The following RIMKLA variants were observed in gnomAD, a reference collection of about 807,000 sequenced individuals.
RIMKLA encodes ribosomal modification protein rimK like family member A.
In RIMKLA, 14 loss-of-function variants were observed where a neutral mutation model predicts 32.7. The ratio of observed to expected loss-of-function variants is 0.43; its 90% CI spans 0.28 to 0.67. RIMKLA has a LOEUF of 0.67. Ranked by LOEUF, RIMKLA falls within the 30% of genes least tolerant of loss-of-function variation. The probability of loss-of-function intolerance (pLI) is 0.18; values close to 1 mark genes in which losing one functional copy is unlikely to be tolerated. For missense variants in RIMKLA, 410 were observed against 519.0 expected (o/e 0.79, Z 2.04); for synonymous variants, 176 against 204.1 (o/e 0.86, Z 1.18).
chr1:42,394,555 A>G (rs1303579782), intron 1 of RIMKLA, among the ~76,000 whole-genome samples: 2 of 152,216 alleles, frequency 1.3e-5, no homozygotes, highest in East Asian at 3.8e-4. Flanking sequence ...CCGAATTCAA[A>G]TCTGAACTAC....
At chr1:42,394,767 G>C (rs904468214) in intron 1 of RIMKLA, among the ~76,000 whole-genome samples, 4 of 150,214 alleles carry the variant, frequency 2.7e-5, no homozygotes, top group African/African-American at 4.9e-5. Flanking sequence ...ACGGAGTTTC[G>C]CTCTTGTTGC....
At chr1:42,403,479 T>G (rs1427828746) in intron 2 of RIMKLA, among the ~76,000 whole-genome samples, 1 of 152,208 alleles carries the variant, frequency 6.6e-6, no homozygotes, top group Non-Finnish European at 1.5e-5. Context: ...GAAAAGATTA[T>G]GTTTGATATA....
chr1:42,385,878 CTTTCT>C (rs1642940616), intron 1 of RIMKLA, among the ~76,000 whole-genome samples: 3 of 90,532 alleles, frequency 3.3e-5, no homozygotes, highest in South Asian at 3.6e-4. Context: ...TTCTTTCTTT[CTTTCT>C]TTCTTTCTTT....
chr1:42,416,679 C>A lies in RIMKLA; in HGVS notation c.*1705C>A, dbSNP rs1316158691. 6.6e-6 allele frequency: 1 copy of A among 152,220 alleles called. No homozygotes were observed. Among genetic ancestry groups the A allele is most frequent in the Non-Finnish European group, 1.5e-5 (1 of 68,048 alleles). The allele number at this position is 152,220 out of a possible 1,614,324, so 9.4% of individuals were successfully genotyped here. A position where few individuals can be genotyped will look rare whatever the true frequency, so the allele number is the denominator to read the frequency against. ...TGACTACTTCAAAGGCAACACTACC[C>A]ATTCGGGTGCAGAAATTACCGTACT... On this transcript the variant is annotated 3_prime_UTR_variant, in exon 5 of 5. Transcript: ENST00000431473.
rs147247012 is a variant in RIMKLA, at chr1:42,400,259, T to C, written c.394+625T>C. ...AGGCTGGGAAAATAAGAGGGCACTATATACAGCAGGTGAAGGAGATGAGGG... is the reference window on the plus strand; with the variant it reads ...AGGCTGGGAAAATAAGAGGGCACTACATACAGCAGGTGAAGGAGATGAGGG... On this transcript the variant is annotated intron_variant, in intron 2 of 4. Transcript: ENST00000431473. Among the ~76,000 whole-genome samples the C allele has an allele frequency of 1.1e-4, 17 of 152,236 alleles. No homozygotes were observed. The East Asian group carries it at 3.3e-3, about 29-fold the overall frequency.
chr1:42,403,479 T>C (rs1427828746), intron 2 of RIMKLA, among the ~76,000 whole-genome samples: 1 of 152,208 alleles, frequency 6.6e-6, no homozygotes, highest in Non-Finnish European at 1.5e-5. Context: ...GAAAAGATTA[T>C]GTTTGATATA....
At chr1:42,412,411 C>T (rs907213515) in intron 4 of RIMKLA, 1 of 267,524 alleles carries the variant, frequency 3.7e-6, no homozygotes, top group Admixed American at 4.6e-5. Flanking sequence ...GAAAAATAAT[C>T]CCAGGATTTT....
chr1:42,406,950 C>T (rs1331061894), intron 3 of RIMKLA, among the ~76,000 whole-genome samples: 1 of 150,386 alleles, frequency 6.6e-6, no homozygotes, highest in Non-Finnish European at 1.5e-5. Context: ...GATATGCTCT[C>T]GCTGGACTGC....
Position 42,416,094 on chromosome 1 carries a change from G to GGGT in RIMKLA, c.*1122_*1123insTGG, listed in dbSNP as rs1643245660. On this transcript the variant is annotated 3_prime_UTR_variant, in exon 5 of 5. Transcript: ENST00000431473. The stretch of plus-strand genomic sequence containing the variant: ...TACCCATTGCACATTTTGCGGGGGG[G>GGGT]GGGGCTAATGTAGACATGACACCAA... 7.3e-6 allele frequency: 1 copy of GGGT among 136,996 alleles called. No homozygotes were observed. The highest frequency in any genetic ancestry group is 7.4e-5 in the Admixed American group (1 of 13,488). 8.5% of individuals were successfully genotyped at this position (136,996 alleles called of 1,614,324 possible). A position where few individuals can be genotyped will look rare whatever the true frequency, so the allele number is the denominator to read the frequency against.
At chr1:42,385,830 T>TCCTTCCTTCTC (rs1557749857) in intron 1 of RIMKLA, among the ~76,000 whole-genome samples, 1 of 74,216 alleles carries the variant, frequency 1.3e-5, no homozygotes, top group Non-Finnish European at 3.2e-5. Context: ...CTTCCTTCCT[T>TCCTTCCTTCTC]TCTTTCTTTC....
rs10493109 is a variant in RIMKLA at position 42,420,514 on chromosome 1, A to C, written c.*5540A>C. On this transcript the variant is annotated 3_prime_UTR_variant, in exon 5 of 5. Coordinates refer to ENST00000431473, the MANE Select transcript of RIMKLA (RefSeq NM_173642.4). ...TCCATTTATATTCTCACATACAACC[A>C]GATGGATAGCCATTCCTTTTCTTAA... 1 of 152,050 alleles carries C rather than the reference A, an allele frequency of 6.6e-6. No individual in the cohort carries two copies. The highest frequency in any genetic ancestry group is 1.5e-5 in the Non-Finnish European group (1 of 68,022). The allele number at this position is 152,050 out of a possible 1,614,324, so 9.4% of individuals were successfully genotyped here.
chr1:42,395,376 T>A (rs182034579), intron 1 of RIMKLA, among the ~76,000 whole-genome samples: 24,253 of 150,740 alleles, frequency 0.16, 2,045 homozygotes, highest in East Asian at 0.22. Context: ...TTTTTTTTTT[T>A]AAGTGGTTTG....
intron 2 of RIMKLA, among the ~76,000 whole-genome samples, chr1:42,402,052 T>C (rs1471491625): frequency 6.6e-6 from 1 of 152,196 alleles, no homozygotes; most frequent in Non-Finnish European, 1.5e-5. Flanking sequence ...GGGAGTTCCC[T>C]TCTTACAAAA....
Position 42,380,826 on chromosome 1 carries a change from C to G in RIMKLA, c.-109C>G, listed in dbSNP as rs1039409696. 3.5e-6 allele frequency: 2 copies of G among 565,810 alleles called. No individual in the cohort carries two copies. The highest frequency in any genetic ancestry group is 4.7e-6 in the Non-Finnish European group (2 of 427,572). 35.0% of individuals were successfully genotyped at this position (565,810 alleles called of 1,614,324 possible). On this transcript the variant is annotated 5_prime_UTR_variant, in exon 1 of 5. Transcript: ENST00000431473. Reference sequence around the variant, plus strand: ...CCTGGCGCACCCGCGGGAGCGGAGCCGTGGCGCGCTCGCCCCGGACGCCGG... The same window carrying G: ...CCTGGCGCACCCGCGGGAGCGGAGCGGTGGCGCGCTCGCCCCGGACGCCGG...
chr1:42,381,026 C>A lies in RIMKLA; in HGVS notation c.92C>A (p.Ser31Tyr), dbSNP rs1642882258. The A allele has an allele frequency of 7.2e-7, 1 of 1,383,638 alleles. No homozygotes were observed. The allele number at this position is 1,383,638 out of a possible 1,614,324, so 85.7% of individuals were successfully genotyped here. Residue 31 changes from serine (S) to tyrosine (Y), a missense_variant, in exon 1 of 5, where the codon TCC becomes TAC. Coordinates refer to ENST00000431473, the MANE Select transcript of RIMKLA (RefSeq NM_173642.4). ...CTGCGCGCCCTCCGGCAGCGCTGCT[C>A]CGAGCAGGACGTGCGCTTCCGGGCG... is the stretch of plus-strand genomic sequence containing the variant. ...QILRALRQRC[S>Y]EQDVRFRAVL...
chr1:42,413,488 A>C (rs1294246571), intron 4 of RIMKLA, among the ~76,000 whole-genome samples: 7 of 144,018 alleles, frequency 4.9e-5, no homozygotes, highest in Non-Finnish European at 1.1e-4. Context: ...TAGGTGACAG[A>C]GTAAGAGTCT....
chr1:42,404,202 G>C (rs1008182131), intron 2 of RIMKLA, among the ~76,000 whole-genome samples: 1 of 152,214 alleles, frequency 6.6e-6, no homozygotes, highest in Non-Finnish European at 1.5e-5. Context: ...CCAGGGGGCA[G>C]ATATATCTTG....
At chr1:42,403,408 A>C (rs1322854425) in intron 2 of RIMKLA, among the ~76,000 whole-genome samples, 2 of 152,224 alleles carry the variant, frequency 1.3e-5, no homozygotes, top group African/African-American at 2.4e-5. Flanking sequence ...GGGCGGATGT[A>C]GTCCCTTGGG....
intron 1 of RIMKLA, among the ~76,000 whole-genome samples, chr1:42,396,260 A>G: frequency 6.6e-6 from 1 of 151,044 alleles, no homozygotes; most frequent in East Asian, 1.9e-4. Context: ...AAAAAAAAAA[A>G]AGAATGTCAG....
Sources: allele counts gnomAD v4.1 joint callset (sites outside exome capture counted in the v4.1 genomes callset), GRCh38; gene constraint gnomAD v4.1.1; transcripts MANE v1.5; gene names NCBI Gene and HGNC (gene_info 2026-07-23, HGNC 2026-07-21).